The following SAMSN1 variants were observed in gnomAD, a reference collection of about 807,000 sequenced individuals.
SAMSN1 encodes the protein SAM domain, SH3 domain and nuclear localization signals 1.
SAMSN1 carries 31 observed loss-of-function variants against 42.0 expected under a neutral mutation model. The observed-to-expected ratio is 0.74, with a 90% CI of 0.55 to 1.00. The LOEUF (loss-of-function observed/expected upper bound fraction) is 1.00, where lower values mean the gene tolerates loss of function less well. Ranked by LOEUF, SAMSN1 falls within the 50% of genes least tolerant of loss-of-function variation. The pLI is 0.00. For missense variants in SAMSN1, 464 were observed against 439.4 expected (o/e 1.06, Z -0.50); for synonymous variants, 178 against 151.9 (o/e 1.17, Z -1.26).
intron 1 of SAMSN1, among the ~76,000 whole-genome samples, chr21:14,537,805 C>A (rs565662649): frequency 1.9e-4 from 29 of 152,242 alleles, no homozygotes; most frequent in African/African-American, 7.0e-4. Context: ...GCTCACAGAA[C>A]TGCTGAGTAT....
intron 2 of SAMSN1, among the ~76,000 whole-genome samples, chr21:14,629,548 C>A (rs990613373): frequency 2.6e-5 from 4 of 152,192 alleles, no homozygotes; most frequent in African/African-American, 9.7e-5. Context: ...GCCTGTCCAG[C>A]TCCTGTCTTC....
In SAMSN1 at chr21:14,604,448, G is replaced by A. The variant is rs143278815; in HGVS notation, c.323-2349C>T. 4.7e-4 allele frequency among the ~76,000 whole-genome samples: 71 copies of A among 152,288 alleles called. 1 individual carries two copies. Among genetic ancestry groups the A allele is most frequent in the Middle Eastern group, 3.4e-3 (1 of 294 alleles). ...AAGCCTTGTATAAGCCGGGGGCAGT[G>A]GAGGACCTATATCCCAGCTGCTTGG... is the stretch of plus-strand genomic sequence containing the variant. On this transcript the variant is annotated intron_variant, in intron 5 of 15. Coordinates refer to the SAMSN1 transcript ENST00000647101.
intron 7 of SAMSN1, among the ~76,000 whole-genome samples, chr21:14,493,656 AG>A (rs1986790721): frequency 6.6e-6 from 1 of 152,066 alleles, no homozygotes. Flanking sequence ...TGACTTCCAA[AG>A]TAAATGAAAC....
At chr21:14,559,305 C>A (rs1298906256) in intron 2 of SAMSN1, among the ~76,000 whole-genome samples, 1 of 152,144 alleles carries the variant, frequency 6.6e-6, no homozygotes, top group Non-Finnish European at 1.5e-5. Context: ...TTCTGACAAC[C>A]AGTAGGTGAG....
chr21:14,545,993 C>T (rs1489534529), intron 1 of SAMSN1, among the ~76,000 whole-genome samples: 1 of 152,112 alleles, frequency 6.6e-6, no homozygotes, highest in African/African-American at 2.4e-5. Context: ...CCAATATGCA[C>T]CATAAGACAA....
intron 2 of SAMSN1, among the ~76,000 whole-genome samples, chr21:14,623,514 C>T (rs1018690349): frequency 4.6e-5 from 7 of 152,102 alleles, no homozygotes; most frequent in African/African-American, 1.7e-4. Context: ...CAACAAAGAT[C>T]GAAAGAGACA....
intron 5 of SAMSN1, among the ~76,000 whole-genome samples, chr21:14,604,411 G>T (rs1010362740): frequency 6.6e-6 from 1 of 152,118 alleles, no homozygotes; most frequent in Admixed American, 6.6e-5. Flanking sequence ...GACTTCCAAG[G>T]TTAGGTTAAA....
chr21:14,644,506 T>G lies in SAMSN1; in HGVS notation c.25-1373A>C, dbSNP rs115157892. 7.8e-3 allele frequency among the ~76,000 whole-genome samples: 1,182 copies of G among 152,190 alleles called. 18 individuals are homozygous for G. Among genetic ancestry groups the G allele is most frequent in the African/African-American group, 0.027 (1,133 of 41,524 alleles). ...AACCGAAGAGCCCTTGGGCCCTGAA[T>G]AGCCAGCAGTGATACCCAGGTACTA... On this transcript the variant is annotated intron_variant, in intron 1 of 15. Transcript: ENST00000647101.
At chr21:14,487,347 T>TATATA (rs368552082) in intron 7 of SAMSN1, among the ~76,000 whole-genome samples, 178 of 150,200 alleles carry the variant, frequency 1.2e-3, no homozygotes, top group African/African-American at 4.0e-3. Context: ...TATTTATTTT[T>TATATA]TATATATATA....
chr21:14,582,090 C>T, intron 2 of SAMSN1: 2 of 1,471,056 alleles, frequency 1.4e-6, no homozygotes, highest in Non-Finnish European at 1.8e-6. Context: ...CCCGACAGTA[C>T]AAAACCCCAG....
At chr21:14,493,932 C>T (rs978475961) in intron 7 of SAMSN1, among the ~76,000 whole-genome samples, 5 of 152,300 alleles carry the variant, frequency 3.3e-5, no homozygotes, top group African/African-American at 1.2e-4. Context: ...ATCCTGTGAT[C>T]AGCACTAACG....
In SAMSN1 at chr21:14,521,351, T is replaced by C. The variant is rs1978467195; in HGVS notation, c.58-130A>G. The C allele has an allele frequency of 6.8e-6, 4 of 586,768 alleles. No individual in the cohort carries two copies. The East Asian group carries it at 8.6e-5, about 13-fold the overall frequency. The allele number at this position is 586,768 out of a possible 1,614,324, so 36.3% of individuals were successfully genotyped here. A position where few individuals can be genotyped will look rare whatever the true frequency, so the allele number is the denominator to read the frequency against. On this transcript the variant is annotated intron_variant, in intron 1 of 7. Coordinates refer to ENST00000400566, the MANE Select transcript of SAMSN1 (RefSeq NM_022136.5). The stretch of plus-strand genomic sequence containing the variant: ...ATACAGGCTTTAAAAAGCTCTTCTC[T>C]CTGGAATATCCAAAGGCTGTGAAGG...
chr21:14,499,562 C>A (rs549369590), intron 6 of SAMSN1, among the ~76,000 whole-genome samples: 4 of 150,608 alleles, frequency 2.7e-5, no homozygotes, highest in Admixed American at 6.6e-5. Context: ...ATATTCTTAG[C>A]ACTGAATTAG....
chr21:14,541,227 A>C (rs1319275584), intron 1 of SAMSN1, among the ~76,000 whole-genome samples: 1 of 152,100 alleles, frequency 6.6e-6, no homozygotes, highest in African/African-American at 2.4e-5. Context: ...ACATGTATAC[A>C]TATGTAACAA....
At chr21:14,576,260 A>G (rs1981458733) in intron 2 of SAMSN1, among the ~76,000 whole-genome samples, 1 of 152,154 alleles carries the variant, frequency 6.6e-6, no homozygotes, top group Non-Finnish European at 1.5e-5. Context: ...AATAGTCAAG[A>G]AAATTAATCT....
intron 2 of SAMSN1, among the ~76,000 whole-genome samples, chr21:14,623,851 T>A (rs1983088095): frequency 6.6e-6 from 1 of 152,074 alleles, no homozygotes; most frequent in African/African-American, 2.4e-5. Context: ...CCACACCTAT[T>A]CCAAAACTGA....
At chr21:14,511,452 T>C (rs1032178702) in intron 4 of SAMSN1, among the ~76,000 whole-genome samples, 3 of 152,200 alleles carry the variant, frequency 2.0e-5, no homozygotes, top group Non-Finnish European at 4.4e-5. Context: ...ACTAATGAGA[T>C]CTGAATTTCA....
chr21:14,555,546 G>T (rs1404951735), intron 2 of SAMSN1, among the ~76,000 whole-genome samples: 2 of 152,132 alleles, frequency 1.3e-5, no homozygotes, highest in African/African-American at 4.8e-5. Context: ...GGACATGGCA[G>T]AATGACACAG....
chr21:14,493,209 C>G (rs926080087), intron 7 of SAMSN1, among the ~76,000 whole-genome samples: 1 of 152,188 alleles, frequency 6.6e-6, no homozygotes, highest in Non-Finnish European at 1.5e-5. Flanking sequence ...TGGCACACAA[C>G]CCACCCTTTC....
Sources: allele counts gnomAD v4.1 joint callset (sites outside exome capture counted in the v4.1 genomes callset), GRCh38; gene constraint gnomAD v4.1.1; transcripts MANE v1.5; gene names NCBI Gene and HGNC (gene_info 2026-07-23, HGNC 2026-07-21).